PCDH15: variants seen among roughly 807,000 people sequenced by gnomAD.
PCDH15 encodes the protein protocadherin related 15.
PCDH15 carries 129 observed loss-of-function variants against 178.5 expected under a neutral mutation model. The observed-to-expected ratio is 0.72, with a 90% CI of 0.63 to 0.84. The LOEUF (loss-of-function observed/expected upper bound fraction) is 0.84, where lower values mean the gene tolerates loss of function less well. Among genes scored for constraint, PCDH15 ranks in the 40% least tolerant of loss-of-function variants. PCDH15 has a pLI of 0.00. For synonymous variants in PCDH15, 800 were observed against 732.0 expected (o/e 1.09, Z -1.50); for missense variants, 2,230 against 2,099.9 (o/e 1.06, Z -1.21).
At chr10:54,386,278 A>T (rs76674515) in intron 3 of PCDH15, among the ~76,000 whole-genome samples, 42 of 151,822 alleles carry the variant, frequency 2.8e-4, no homozygotes, top group African/African-American at 9.7e-4. Flanking sequence ...AAAAAAAAAA[A>T]TCCCAAAAAA....
intron 2 of PCDH15, among the ~76,000 whole-genome samples, chr10:55,082,625 G>A (rs1345529637): frequency 2.0e-5 from 3 of 148,292 alleles, no homozygotes; most frequent in Non-Finnish European, 4.5e-5. Context: ...AAGAAAAGTT[G>A]CTTTTTAAAA....
At position 53,998,260 on chromosome 10, in the gene PCDH15, A is replaced by C. The variant is rs368379432; in HGVS notation, c.2752-2495T>G. 1.4e-4 allele frequency among the ~76,000 whole-genome samples: 21 copies of C among 152,282 alleles called. No individual in the cohort carries two copies. The East Asian group carries it at 1.5e-3, about 11-fold the overall frequency. On this transcript the variant is annotated intron_variant, in intron 20 of 37. Transcript: ENST00000644397. ...TTGGTAAAAATTTTTATTGGTCTCA[A>C]CAAAAAATAGTTTTAATGCTTCAAA...
chr10:55,396,409 G>T (rs190302758), intron 2 of PCDH15, among the ~76,000 whole-genome samples: 2 of 152,172 alleles, frequency 1.3e-5, no homozygotes, highest in Non-Finnish European at 2.9e-5. Flanking sequence ...TATCTGGTTA[G>T]ATTTTTATCA....
intron 3 of PCDH15, among the ~76,000 whole-genome samples, chr10:54,852,444 C>T (rs944301417): frequency 6.6e-5 from 10 of 152,034 alleles, no homozygotes; most frequent in African/African-American, 2.4e-4. Flanking sequence ...GACATTAGGC[C>T]AGGGTACACA....
At chr10:55,220,934 A>T (rs903386719) in intron 1 of PCDH15, among the ~76,000 whole-genome samples, 3 of 152,084 alleles carry the variant, frequency 2.0e-5, no homozygotes, top group African/African-American at 7.3e-5. Flanking sequence ...CTTGTAAATT[A>T]TAAAATAAAT....
chr10:54,952,700 GCATTGTACA>G (rs1423150447), intron 2 of PCDH15, among the ~76,000 whole-genome samples: 1 of 151,478 alleles, frequency 6.6e-6, no homozygotes, highest in African/African-American at 2.4e-5. Flanking sequence ...CCTCATATAG[GCATTGTACA>G]CATTTTGTTA....
At chr10:53,986,409 T>C (rs916930360) in intron 21 of PCDH15, among the ~76,000 whole-genome samples, 2 of 152,200 alleles carry the variant, frequency 1.3e-5, no homozygotes, top group African/African-American at 4.8e-5. Context: ...AGAAACAGTA[T>C]GGGGTTTCCT....
chr10:54,927,673 C>T (rs563566292), intron 2 of PCDH15, among the ~76,000 whole-genome samples: 19 of 152,194 alleles, frequency 1.2e-4, no homozygotes, highest in African/African-American at 3.9e-4. Flanking sequence ...GAATTAAAAC[C>T]TTTACCATTA....
intron 2 of PCDH15, among the ~76,000 whole-genome samples, chr10:55,397,664 C>T (rs866991995): frequency 6.6e-5 from 10 of 152,004 alleles, no homozygotes; most frequent in South Asian, 2.1e-4. Flanking sequence ...CTCACTGCAA[C>T]CTCTCTCGTC....
chr10:54,909,010 C>T (rs1007600959), intron 2 of PCDH15, among the ~76,000 whole-genome samples: 3 of 151,948 alleles, frequency 2.0e-5, no homozygotes, highest in African/African-American at 4.8e-5. Flanking sequence ...CAGGTCATCC[C>T]GACGAGTGTC....
intron 15 of PCDH15, among the ~76,000 whole-genome samples, chr10:54,104,233 A>G (rs7083275): frequency 0.6 from 90,789 of 152,000 alleles, 28,028 homozygotes; most frequent in Middle Eastern, 0.69. Context: ...TGGAGAAGCC[A>G]TTTCTTCTGA....
chr10:53,928,195 C>A (rs1242269699), intron 25 of PCDH15, among the ~76,000 whole-genome samples: 3 of 151,914 alleles, frequency 2.0e-5, no homozygotes, highest in Non-Finnish European at 4.4e-5. Context: ...GGCACTTTTC[C>A]CCATATTTCT....
Position 54,378,944 on chromosome 10 carries a change from T to C in PCDH15, c.158-2A>G, listed in dbSNP as rs1304228309. The C allele has an allele frequency of 6.2e-7, 1 of 1,613,520 alleles. No homozygotes were observed. Among genetic ancestry groups the C allele is most frequent in the Non-Finnish European group, 8.5e-7 (1 of 1,179,718 alleles). On this transcript the variant is annotated splice_acceptor_variant, in intron 3 of 37. Transcript: ENST00000644397. LOFTEE classifies it high-confidence loss of function. ...GCATGTTGTCCACCAGAATTGTACCTGCAAACCAAAGAAAGGTACTTGAAA... is the reference window on the plus strand; with the variant it reads ...GCATGTTGTCCACCAGAATTGTACCCGCAAACCAAAGAAAGGTACTTGAAA...
chr10:55,616,757 A>G (rs906268318), intron 2 of PCDH15, among the ~76,000 whole-genome samples: 1 of 152,168 alleles, frequency 6.6e-6, no homozygotes, highest in Non-Finnish European at 1.5e-5. Flanking sequence ...AAACATAGGT[A>G]AGAACACTGA....
At chr10:54,684,170 A>T (rs2094951722) in intron 1 of PCDH15, among the ~76,000 whole-genome samples, 1 of 151,994 alleles carries the variant, frequency 6.6e-6, no homozygotes, top group Non-Finnish European at 1.5e-5. Flanking sequence ...GATATACTCA[A>T]ACACGTCTTC....
At chr10:54,407,980 G>A (rs1565195717) in intron 3 of PCDH15, among the ~76,000 whole-genome samples, 5 of 149,664 alleles carry the variant, frequency 3.3e-5, no homozygotes, top group African/African-American at 4.9e-5. Context: ...ACTTGAACCC[G>A]GGAGGTGGAG....
Position 55,414,752 on chromosome 10 carries a change from A to G in PCDH15, c.-156+212873T>C, listed in dbSNP as rs368870024. 8.1e-5 allele frequency among the ~76,000 whole-genome samples: 12 copies of G among 147,730 alleles called. No individual in the cohort carries two copies. The East Asian group carries it at 2.2e-3, about 27-fold the overall frequency. On this transcript the variant is annotated intron_variant, in intron 2 of 5. Transcript: ENST00000613346. ...TGTCCTGTAACTTTACTGAATTCAT[A>G]TATTATTTCTAACAAGGGGTGTGTG...
chr10:53,969,367 C>T (rs1467843621), intron 21 of PCDH15, among the ~76,000 whole-genome samples: 1 of 151,974 alleles, frequency 6.6e-6, no homozygotes, highest in African/African-American at 2.4e-5. Context: ...GTGAAAAGAC[C>T]AAATCTACAT....
intron 2 of PCDH15, among the ~76,000 whole-genome samples, chr10:55,460,553 G>T (rs1159231659): frequency 1.3e-5 from 2 of 151,970 alleles, no homozygotes; most frequent in East Asian, 3.9e-4. Context: ...TTTATATCTG[G>T]GACTTCAACT....
Sources: allele counts gnomAD v4.1 joint callset (sites outside exome capture counted in the v4.1 genomes callset), GRCh38; gene constraint gnomAD v4.1.1; transcripts MANE v1.5; gene names NCBI Gene and HGNC (gene_info 2026-07-23, HGNC 2026-07-21).